Variants in SOX13 observed in about 807,000 individuals in gnomAD.
SOX13 encodes the protein transcription factor SOX-13.
In SOX13, 28 loss-of-function variants were observed where a neutral mutation model predicts 71.8. That is an observed-to-expected ratio of 0.39 (90% CI 0.29 to 0.53). The LOEUF is 0.53. SOX13 is among the 20% of genes least tolerant of loss of function. The pLI, the probability that SOX13 is intolerant of heterozygous loss-of-function variation, is 0.70. For missense variants in SOX13, 627 were observed against 810.3 expected (o/e 0.77, Z 2.75); for synonymous variants, 309 against 317.8 (o/e 0.97, Z 0.29).
At chr1:204,116,144 G>A in intron 4 of SOX13, 1 of 1,224,320 alleles carries the variant, frequency 8.2e-7, no homozygotes, top group Non-Finnish European at 1.0e-6. Context: ...AAGCCTGAGT[G>A]TGTCCCACTG....
chr1:204,124,160 A>T (rs771219282), intron 12 of SOX13, among the ~76,000 whole-genome samples: 9 of 152,236 alleles, frequency 5.9e-5, no homozygotes, highest in East Asian at 1.9e-4. Context: ...AGATTTTTTT[A>T]AATTATATGT....
At chr1:204,075,609 G>A in intron 1 of SOX13, among the ~76,000 whole-genome samples, 1 of 152,174 alleles carries the variant, frequency 6.6e-6, no homozygotes, top group East Asian at 1.9e-4. Context: ...CAGGAGGGTA[G>A]GGACCCACCT....
intron 1 of SOX13, chr1:204,074,114 A>G (rs1240317230): frequency 6.6e-6 from 1 of 151,900 alleles, no homozygotes; most frequent in Non-Finnish European, 1.5e-5. Flanking sequence ...CTATGCGCCT[A>G]GTTTAAGGAT....
chr1:204,106,488 T>C (rs930003993), intron 1 of SOX13, among the ~76,000 whole-genome samples: 11 of 152,044 alleles, frequency 7.2e-5, no homozygotes, highest in African/African-American at 2.7e-4. Context: ...AACAGGTATA[T>C]TTTTGGCTAC....
rs775865956 is a variant in SOX13 at position 204,113,158 on chromosome 1, A to G, written c.219+24A>G. On this transcript the variant is annotated intron_variant, in intron 2 of 13. Transcript: ENST00000367204. The stretch of plus-strand genomic sequence containing the variant: ...GGGTCAGTGTCCCCGCCCTGCCTCC[A>G]TCCTCACACCCATGCGCTGTACCTG... 2.0e-6 allele frequency: 3 copies of G among 1,504,974 alleles called. No homozygotes were observed. The South Asian group carries it at 3.8e-5, about 19-fold the overall frequency. 93.2% of individuals were successfully genotyped at this position (1,504,974 alleles called of 1,614,324 possible).
intron 1 of SOX13, among the ~76,000 whole-genome samples, chr1:204,085,840 C>T (rs1203674854): frequency 6.6e-6 from 1 of 151,532 alleles, no homozygotes; most frequent in African/African-American, 2.4e-5. Flanking sequence ...ATTAGCTGGG[C>T]GTGGTGCCGG....
intron 1 of SOX13, among the ~76,000 whole-genome samples, chr1:204,090,831 C>T (rs1656126646): frequency 6.6e-6 from 1 of 152,176 alleles, no homozygotes; most frequent in South Asian, 2.1e-4. Context: ...CTAAGATGAG[C>T]ATCTGTAGGG....
chr1:204,109,810 TTTATTG>T (rs1405016228), intron 1 of SOX13, among the ~76,000 whole-genome samples: 22 of 152,112 alleles, frequency 1.4e-4, no homozygotes, highest in African/African-American at 5.1e-4. Flanking sequence ...TTGTTTTTTA[TTTATTG>T]TTATTATTAT....
chr1:204,075,450 G>T (rs1655768216), intron 1 of SOX13, among the ~76,000 whole-genome samples: 1 of 152,268 alleles, frequency 6.6e-6, no homozygotes, highest in Non-Finnish European at 1.5e-5. Flanking sequence ...AAGATGCTGG[G>T]ATTCAGCACA....
At position 204,126,685 on chromosome 1, in the gene SOX13, C is replaced by T. The variant is rs1452133532; in HGVS notation, c.*551C>T. 1 of 159,720 alleles carries T rather than the reference C, an allele frequency of 6.3e-6. No homozygotes were observed. The highest frequency in any genetic ancestry group is 2.4e-5 in the African/African-American group (1 of 41,608). 9.9% of individuals were successfully genotyped at this position (159,720 alleles called of 1,614,324 possible). On this transcript the variant is annotated 3_prime_UTR_variant, in exon 14 of 14. Transcript: ENST00000367204. Reference sequence around the variant, plus strand: ...TGTGCGCGTGCACGTGTGTGTGTTTCATCTGTTCATTCACTGCACAAGATA... The same window carrying T: ...TGTGCGCGTGCACGTGTGTGTGTTTTATCTGTTCATTCACTGCACAAGATA...
chr1:204,124,907 GCT>G, intron 13 of SOX13, 50 bp downstream of exon 13: 1 of 1,361,628 alleles, frequency 7.3e-7, no homozygotes, highest in East Asian at 2.5e-5. Flanking sequence ...TACATGTGTA[GCT>G]CTCATGAGTG....
At chr1:204,093,258 C>G (rs1454596961) in intron 1 of SOX13, among the ~76,000 whole-genome samples, 1 of 152,154 alleles carries the variant, frequency 6.6e-6, no homozygotes, top group Non-Finnish European at 1.5e-5. Flanking sequence ...CAGTCTGGCT[C>G]AGAGCACACT....
intron 1 of SOX13, among the ~76,000 whole-genome samples, chr1:204,074,667 G>T (rs1270901869): frequency 6.6e-6 from 1 of 152,226 alleles, no homozygotes; most frequent in Non-Finnish European, 1.5e-5. Flanking sequence ...GAGCTGGAGA[G>T]GACAAGAGAC....
At chr1:204,102,473 G>A (rs1656379571) in intron 1 of SOX13, among the ~76,000 whole-genome samples, 1 of 152,142 alleles carries the variant, frequency 6.6e-6, no homozygotes, top group Admixed American at 6.5e-5. Context: ...GTGGCGCTGC[G>A]AATGTGGGGC....
At chr1:204,118,931 T>C (rs937762262) in intron 7 of SOX13, 4 of 151,972 alleles carry the variant, frequency 2.6e-5, no homozygotes, top group Non-Finnish European at 4.4e-5. Context: ...ACCTGCTAGG[T>C]GATTCTAGCA....
intron 7 of SOX13, chr1:204,119,432 T>A (rs1237474072): frequency 6.6e-6 from 1 of 151,960 alleles, no homozygotes; most frequent in Non-Finnish European, 1.5e-5. Context: ...GTGAAAGGGG[T>A]AAACGGGCTC....
At chr1:204,109,840 A>T (rs188101522) in intron 1 of SOX13, among the ~76,000 whole-genome samples, 1,946 of 150,432 alleles carry the variant, frequency 0.013, 45 homozygotes, top group African/African-American at 0.045. Flanking sequence ...CATTATTATT[A>T]TTTTTTTTTG....
chr1:204,112,503 A>ACG (rs1558218669), intron 1 of SOX13, among the ~76,000 whole-genome samples: 1 of 74,628 alleles, frequency 1.3e-5, no homozygotes, highest in East Asian at 6.0e-4. Context: ...ACATGCGTGC[A>ACG]CACACACACA....
At chr1:204,117,508 G>T (rs1414927249) in intron 6 of SOX13, 85 bp from the exon 7 acceptor site, 1 of 844,528 alleles carries the variant, frequency 1.2e-6, no homozygotes, top group Non-Finnish European at 1.9e-6. Context: ...CTTGTCCATG[G>T]GTCCATTCTC....
Sources: gnomAD v4.1 joint callset for allele counts (sites outside exome capture counted in the v4.1 genomes callset) on GRCh38, gnomAD v4.1.1 for gene constraint, MANE v1.5 for transcripts, NCBI Gene and HGNC (gene_info 2026-07-23, HGNC 2026-07-21) for gene names.